PTER: variants seen among roughly 807,000 people sequenced by gnomAD.
PTER encodes the protein phosphotriesterase related, also known as N-acetyltaurine hydrolase.
A neutral mutation model predicts 29.6 loss-of-function variants in PTER; 38 were observed. That is an observed-to-expected ratio of 1.28 (90% CI 0.99 to 1.68). PTER has a LOEUF of 1.68. Ranked by LOEUF, PTER falls within the 40% of genes most tolerant of loss-of-function variation. The pLI is 0.00. For synonymous variants in PTER, 172 were observed against 154.5 expected (o/e 1.11, Z -0.84); for missense variants, 482 against 427.8 (o/e 1.13, Z -1.12).
intron 1 of PTER, among the ~76,000 whole-genome samples, chr10:16,459,386 C>T (rs930012385): frequency 6.6e-6 from 1 of 152,186 alleles, no homozygotes; most frequent in Non-Finnish European, 1.5e-5. Flanking sequence ...TCAGATTCTA[C>T]CAGCAGTGCT....
chr10:16,475,961 A>T (rs1006230060), intron 1 of PTER: 6 of 152,242 alleles, frequency 3.9e-5, no homozygotes, highest in Non-Finnish European at 7.3e-5. Context: ...CTCAGCAAAT[A>T]TTTGGAAAAT....
chr10:16,443,711 T>C (rs1293886116), intron 1 of PTER, among the ~76,000 whole-genome samples: 3 of 152,214 alleles, frequency 2.0e-5, no homozygotes, highest in African/African-American at 7.2e-5. Context: ...TACCTTGCAG[T>C]CTGAATGACA....
At chr10:16,441,996 A>G (rs1405809091) in intron 1 of PTER, among the ~76,000 whole-genome samples, 3 of 152,086 alleles carry the variant, frequency 2.0e-5, no homozygotes, top group Non-Finnish European at 4.4e-5. Context: ...AGTAATTATT[A>G]GTTCTTTTTA....
intron 3 of PTER, among the ~76,000 whole-genome samples, chr10:16,502,132 A>G (rs1836374265): frequency 6.6e-6 from 1 of 152,210 alleles, no homozygotes; most frequent in African/African-American, 2.4e-5. Flanking sequence ...AAGGACAGAA[A>G]AAGACATTAG....
At chr10:16,455,298 A>G (rs1040036038) in intron 1 of PTER, among the ~76,000 whole-genome samples, 1 of 152,162 alleles carries the variant, frequency 6.6e-6, no homozygotes. Context: ...GGCCAGAAAA[A>G]AGAGAAACTT....
intron 4 of PTER, among the ~76,000 whole-genome samples, chr10:16,505,840 C>T (rs1462365935): frequency 2.6e-5 from 4 of 152,042 alleles, no homozygotes; most frequent in East Asian, 1.9e-4. Flanking sequence ...GGAAGGCTTT[C>T]GTTTGGGAAT....
chr10:16,501,467 A>C (rs535655962), intron 3 of PTER, among the ~76,000 whole-genome samples: 1 of 152,168 alleles, frequency 6.6e-6, no homozygotes, highest in South Asian at 2.1e-4. Flanking sequence ...AAATTGTCTA[A>C]AATAACTGTA....
rs1836857987 is a variant in PTER at position 16,512,653 on chromosome 10, T to C, written c.*1397T>C. 1 of 152,126 alleles carries C rather than the reference T, an allele frequency of 6.6e-6. No individual in the cohort carries two copies. Among genetic ancestry groups the C allele is most frequent in the Admixed American group, 6.5e-5 (1 of 15,284 alleles). The allele number at this position is 152,126 out of a possible 1,614,324, so 9.4% of individuals were successfully genotyped here. On this transcript the variant is annotated 3_prime_UTR_variant, in exon 5 of 5. Transcript: ENST00000535784. ...GCTGATCAAAGATGATCAAGCTTTC[T>C]GTGTATTGGAACAGAAAGTAACAAA...
At chr10:16,441,777 A>G (rs938722643) in intron 1 of PTER, among the ~76,000 whole-genome samples, 2 of 152,208 alleles carry the variant, frequency 1.3e-5, no homozygotes, top group Non-Finnish European at 1.5e-5. Flanking sequence ...AGTATTCATA[A>G]ATAGCCTTTT....
At chr10:16,496,484 G>T (rs1056594496) in intron 3 of PTER, among the ~76,000 whole-genome samples, 2 of 152,152 alleles carry the variant, frequency 1.3e-5, no homozygotes, top group Admixed American at 1.3e-4. Context: ...TATTCTCTCT[G>T]CTAGGAATGT....
downstream of PTER, among the ~76,000 whole-genome samples, chr10:16,516,290 A>G (rs1836950227): frequency 6.6e-6 from 1 of 152,190 alleles, no homozygotes. Context: ...TTAAATAATG[A>G]CGCAGTTTGA....
At chr10:16,509,923 T>G (rs1346972238) in intron 4 of PTER, among the ~76,000 whole-genome samples, 2 of 150,398 alleles carry the variant, frequency 1.3e-5, no homozygotes, top group African/African-American at 5.0e-5. Flanking sequence ...TGTGCTTGAG[T>G]TTTTTTTGTG....
At chr10:16,470,760 T>A (rs1336423900) in intron 1 of PTER, among the ~76,000 whole-genome samples, 4 of 151,988 alleles carry the variant, frequency 2.6e-5, no homozygotes. Flanking sequence ...AGAGCAAGGC[T>A]CCATCTCAAA....
chr10:16,437,370 C>T (rs2133345867), intron 1 of PTER: 1 of 147,470 alleles, frequency 6.8e-6, no homozygotes, highest in East Asian at 2.0e-4. Context: ...CAGGGTCTGG[C>T]TCTGCTTCCC....
chr10:16,494,696 A>G (rs985532449), intron 3 of PTER, among the ~76,000 whole-genome samples: 13 of 152,228 alleles, frequency 8.5e-5, no homozygotes, highest in African/African-American at 2.9e-4. Context: ...TGGAAGTAGC[A>G]AATTACATAT....
intron 1 of PTER, among the ~76,000 whole-genome samples, chr10:16,467,503 A>G (rs954989581): frequency 1.2e-4 from 19 of 152,204 alleles, no homozygotes; most frequent in African/African-American, 4.6e-4. Context: ...TTGGGTACAG[A>G]ATAATAATCT....
At chr10:16,456,213 C>T (rs1834389054) in intron 1 of PTER, among the ~76,000 whole-genome samples, 1 of 152,194 alleles carries the variant, frequency 6.6e-6, no homozygotes, top group Admixed American at 6.5e-5. Context: ...CAGTCAAGTT[C>T]ACTTATCCAT....
intron 1 of PTER, among the ~76,000 whole-genome samples, chr10:16,479,934 A>G (rs1470960971): frequency 2.0e-5 from 3 of 151,376 alleles, no homozygotes; most frequent in Non-Finnish European, 2.9e-5. Context: ...GTTTCTTCAG[A>G]GCCACCAAAC....
At chr10:16,470,305 T>C (rs1302215772) in intron 1 of PTER, among the ~76,000 whole-genome samples, 1 of 152,256 alleles carries the variant, frequency 6.6e-6, no homozygotes, top group East Asian at 1.9e-4. Flanking sequence ...GCATTATTGT[T>C]GGTTCCCAGC....
Sources: allele counts gnomAD v4.1 joint callset (sites outside exome capture counted in the v4.1 genomes callset), GRCh38; gene constraint gnomAD v4.1.1; transcripts MANE v1.5; gene names NCBI Gene and HGNC (gene_info 2026-07-23, HGNC 2026-07-21).